The following ADD1 variants were observed in gnomAD, a reference collection of about 807,000 sequenced individuals.
ADD1 encodes the protein adducin 1.
In ADD1, 24 loss-of-function variants were observed where a neutral mutation model predicts 80.5. That is an observed-to-expected ratio of 0.30 (90% CI 0.22 to 0.42). The LOEUF (loss-of-function observed/expected upper bound fraction) is 0.42, where lower values mean the gene tolerates loss of function less well. Ranked by LOEUF, ADD1 falls within the 10% of genes least tolerant of loss-of-function variation. The pLI is 1.00. For missense variants in ADD1, 948 were observed against 1,019.0 expected (o/e 0.93, Z 0.95); for synonymous variants, 373 against 393.8 (o/e 0.95, Z 0.63).
At chr4:2,904,002 ACTTAC>A (rs1736625278) in intron 9 of ADD1, among the ~76,000 whole-genome samples, 1 of 152,224 alleles carries the variant, frequency 6.6e-6, no homozygotes, top group Non-Finnish European at 1.5e-5. Flanking sequence ...AGGTATACTT[ACTTAC>A]CTTACTTACC....
At chr4:2,877,816 A>G (rs116683939) in intron 2 of ADD1, among the ~76,000 whole-genome samples, 2 of 152,104 alleles carry the variant, frequency 1.3e-5, no homozygotes, top group African/African-American at 2.4e-5. Flanking sequence ...TCTCTACCAA[A>G]AATATAAAAA....
At chr4:2,861,592 T>G (rs1359577305) in intron 1 of ADD1, among the ~76,000 whole-genome samples, 2 of 152,182 alleles carry the variant, frequency 1.3e-5, no homozygotes, top group African/African-American at 4.8e-5. Flanking sequence ...GATAAAAATT[T>G]GGGGCCCATT....
Position 2,929,439 on chromosome 4 carries a change from G to C in ADD1, c.*916G>C, listed in dbSNP as rs970236150. ...TAGTTGTGATCAAAGGTAACTCGAG[G>C]TGGAGGGTAGCCCTGGGGCCCCTCG... On this transcript the variant is annotated 3_prime_UTR_variant, in exon 16 of 16. Coordinates refer to ENST00000683351, the MANE Select transcript of ADD1 (RefSeq NM_001354761.2). 5 of 152,270 alleles carry C rather than the reference G, an allele frequency of 3.3e-5. No homozygotes were observed. Among genetic ancestry groups the C allele is most frequent in the African/African-American group, 9.7e-5 (4 of 41,436 alleles). The allele number at this position is 152,270 out of a possible 1,614,324, so 9.4% of individuals were successfully genotyped here.
chr4:2,852,409 C>T (rs1727423518), intron 1 of ADD1, among the ~76,000 whole-genome samples: 1 of 148,102 alleles, frequency 6.8e-6, no homozygotes, highest in African/African-American at 2.5e-5. Flanking sequence ...TCACTGCAAC[C>T]TCCGCCTCCC....
chr4:2,883,447 T>G (rs1051048221), intron 3 of ADD1, among the ~76,000 whole-genome samples: 8 of 152,310 alleles, frequency 5.3e-5, no homozygotes, highest in Non-Finnish European at 8.8e-5. Flanking sequence ...TGTGAAATGC[T>G]TCTTTTCTTT....
Position 2,905,005 on chromosome 4 carries a change from C to T in ADD1, c.1403C>T (p.Ser468Leu), listed in dbSNP as rs777763271. The T allele has an allele frequency of 2.0e-5, 32 of 1,614,050 alleles. No individual in the cohort carries two copies. Among genetic ancestry groups the T allele is most frequent in the Middle Eastern group, 1.6e-4 (1 of 6,084 alleles). The change falls in exon 10 of 16, where the codon TCG (serine) becomes TTG (leucine). Residue 468 changes from serine to leucine, a missense_variant. By Grantham distance (145) the Ser-to-Leu change is moderately radical. Transcript: ENST00000683351. ...EEGQNGSSPK[S>L]KTKVWTNITH... is the part of the protein sequence containing the mutation. ...GGGCAGAATGGAAGCAGTCCCAAGT[C>T]GAAGACTAAGGTGTGGACGAACATT...
chr4:2,896,897 T>A (rs548430068), intron 6 of ADD1, among the ~76,000 whole-genome samples: 2 of 152,226 alleles, frequency 1.3e-5, no homozygotes, highest in South Asian at 4.1e-4. Flanking sequence ...TAGGTGGGAC[T>A]ACAGGTGCAC....
chr4:2,888,120 TGG>T (rs1379285233), intron 4 of ADD1, among the ~76,000 whole-genome samples: 1 of 148,988 alleles, frequency 6.7e-6, no homozygotes, highest in Non-Finnish European at 1.5e-5. Flanking sequence ...AGTGCAGTGG[TGG>T]AATCTCGGCT....
chr4:2,910,829 TAGC>T (rs962399151), intron 13 of ADD1, among the ~76,000 whole-genome samples: 1 of 152,206 alleles, frequency 6.6e-6, no homozygotes. Flanking sequence ...CAGGTGTCAT[TAGC>T]AGAGAATACC....
rs745651446 is a variant in ADD1, at chr4:2,898,245, T to C, written c.803T>C (p.Val268Ala). ...ISPEALSLGE[V>A]AYHDYHGILV... Reference sequence around the variant, plus strand: ...CCGGAGGCGCTTTCCCTTGGAGAAGTGGCTTATCATGACTACCATGGCATT... The same window carrying C: ...CCGGAGGCGCTTTCCCTTGGAGAAGCGGCTTATCATGACTACCATGGCATT... Residue 268 changes from valine (V) to alanine (A), a missense_variant, in exon 7 of 16, where the codon GTG becomes GCG. Physicochemically the swap from Val to Ala is moderately conservative, Grantham distance 64 (BLOSUM62 0). Transcript: ENST00000683351. The C allele has an allele frequency of 1.2e-6, 2 of 1,614,208 alleles. No homozygotes were observed. The highest frequency in any genetic ancestry group is 1.7e-6 in the Non-Finnish European group (2 of 1,180,034).
At chr4:2,865,161 T>C (rs1342718428) in intron 1 of ADD1, among the ~76,000 whole-genome samples, 1 of 151,848 alleles carries the variant, frequency 6.6e-6, no homozygotes, top group East Asian at 1.9e-4. Context: ...ATACATACAC[T>C]ATTTTCTCTT....
At chr4:2,896,731 A>G (rs894000423) in intron 6 of ADD1, among the ~76,000 whole-genome samples, 4 of 152,128 alleles carry the variant, frequency 2.6e-5, no homozygotes, top group African/African-American at 7.2e-5. Flanking sequence ...CTTTGACAGT[A>G]TGGTTATGAA....
rs1331486483 is a variant in ADD1, at chr4:2,914,890, C to G, written c.1798C>G (p.Leu600Val). 1.9e-6 allele frequency: 3 copies of G among 1,610,158 alleles called. No individual in the cohort carries two copies. The highest frequency in any genetic ancestry group is 2.5e-6 in the Non-Finnish European group (3 of 1,177,880). ...ATGTGCCTTTCATCCACAGGGAGAG[C>G]TGGTGACGGCCTCCAAGGCCATCAT... ...AKSLSFRKGELVTASKAIIEK... is the reference protein window; with the variant it reads ...AKSLSFRKGEVVTASKAIIEK... Residue 600 changes from leucine to valine, a missense_variant, in exon 14 of 16, where the codon CTG becomes GTG. Leu to Val is a conservative substitution (Grantham distance 32). Transcript: ENST00000683351.
intron 1 of ADD1, chr4:2,853,837 C>T (rs1727677563): frequency 1.3e-5 from 2 of 152,092 alleles, no homozygotes; most frequent in South Asian, 2.1e-4. Context: ...CTCCTGACCT[C>T]AGGTGATCCA....
In ADD1 at chr4:2,894,034, G is replaced by A; in HGVS notation, c.532G>A (p.Glu178Lys). ...HITTRVNSEQ[E>K]HFLIVPFGLL... ...ACAGACCAGAGTGAACTCCGAGCAGGAACACTTCCTCATTGTCCCTTTTGG... is the reference window on the plus strand; with the variant it reads ...ACAGACCAGAGTGAACTCCGAGCAGAAACACTTCCTCATTGTCCCTTTTGG... The change falls in exon 5 of 16, where the codon GAA (glutamate) becomes AAA (lysine). Residue 178 changes from glutamate (E) to lysine (K), a missense_variant. Glu to Lys is a moderately conservative substitution (Grantham distance 56, BLOSUM62 1). Coordinates refer to ENST00000683351, the MANE Select transcript of ADD1 (RefSeq NM_001354761.2). 1.2e-6 allele frequency: 2 copies of A among 1,614,146 alleles called. No homozygotes were observed. The highest frequency in any genetic ancestry group is 1.7e-6 in the Non-Finnish European group (2 of 1,180,016).
rs1309779927 is a variant in ADD1 at position 2,926,793 on chromosome 4, C to G, written c.2047+681C>G. ...TTATTTAAAATAAAAACAGAAGCCC[C>G]CCTTTTTTGTACCCAGTCCCTTGGA... On this transcript the variant is annotated intron_variant, in intron 15 of 15. Coordinates refer to ENST00000683351, the MANE Select transcript of ADD1 (RefSeq NM_001354761.2). The surrounding 1 kb of genome is among the most constrained non-coding windows in gnomAD (Gnocchi z 5.0). 1.6e-6 allele frequency: 2 copies of G among 1,218,572 alleles called. No individual in the cohort carries two copies. The highest frequency in any genetic ancestry group is 5.1e-5 in the East Asian group (2 of 39,236). The allele number at this position is 1,218,572 out of a possible 1,614,324, so 75.5% of individuals were successfully genotyped here. A position where few individuals can be genotyped will look rare whatever the true frequency, so the allele number is the denominator to read the frequency against.
intron 2 of ADD1, among the ~76,000 whole-genome samples, chr4:2,877,302 A>T (rs1033446076): frequency 6.6e-6 from 1 of 151,602 alleles, no homozygotes; most frequent in Non-Finnish European, 1.5e-5. Context: ...TGATTTTCTT[A>T]AAAAAAACAA....
Position 2,875,906 on chromosome 4 carries a change from AG to A in ADD1, c.-9del. On this transcript the variant is annotated 5_prime_UTR_variant, in exon 2 of 16. Transcript: ENST00000683351. ...ATTTTGATTCTGTAGGAACCTAGAA[AG>A]ATTGTACAATGAATGGTGATTCTCG... is the stretch of plus-strand genomic sequence containing the variant. 1 of 1,577,846 alleles carries A rather than the reference AG, an allele frequency of 6.3e-7. No homozygotes were observed. Among genetic ancestry groups the A allele is most frequent in the East Asian group, 2.3e-5 (1 of 44,366 alleles).
intron 9 of ADD1, chr4:2,901,978 C>A (rs569376867): frequency 4.7e-5 from 7 of 150,412 alleles, no homozygotes; most frequent in African/African-American, 1.5e-4. Flanking sequence ...TGGTGTTGAA[C>A]TCCTGGGCTG....
Sources: allele counts gnomAD v4.1 joint callset (sites outside exome capture counted in the v4.1 genomes callset), GRCh38; gene constraint gnomAD v4.1.1; non-coding constraint Gnocchi (gnomAD v3.1); transcripts MANE v1.5; gene names NCBI Gene and HGNC (gene_info 2026-07-23, HGNC 2026-07-21).